Variants in TNFRSF1A observed in about 807,000 individuals in gnomAD.
TNFRSF1A encodes TNF receptor superfamily member 1A, also known as tumor necrosis factor receptor superfamily member 1A.
A neutral mutation model predicts 41.6 loss-of-function variants in TNFRSF1A; 9 were observed. The ratio of observed to expected loss-of-function variants is 0.22; its 90% confidence interval spans 0.13 to 0.38. TNFRSF1A has a LOEUF of 0.38. Ranked by LOEUF, TNFRSF1A falls within the 10% of genes least tolerant of loss-of-function variation. The pLI, the probability that TNFRSF1A is intolerant of heterozygous loss-of-function variation, is 1.00. For synonymous variants in TNFRSF1A, 254 were observed against 248.6 expected, an observed-to-expected ratio of 1.02 and a Z score of -0.21; for missense variants, 463 against 591.5, an observed-to-expected ratio of 0.78 and a Z score of 2.25.
intron 5 of TNFRSF1A, among the ~76,000 whole-genome samples, chr12:6,332,433 CAAAAAA>C (rs34324660): frequency 5.0e-5 from 2 of 39,738 alleles, no homozygotes; most frequent in Non-Finnish European, 1.0e-4. Context: ...AACCCTGTCT[CAAAAAA>C]AAAAAAAAAA....
rs1948069819 is a variant in TNFRSF1A, at chr12:6,333,001, G to A, written c.551+68C>T. The stretch of plus-strand genomic sequence containing the variant: ...CCTGGCATCTGTTGCCCAGCTAATG[G>A]TTCCCACCAGTCACCCGTCCCAACC... On this transcript the variant is annotated intron_variant, in intron 5 of 9. Coordinates refer to ENST00000162749, the MANE Select transcript of TNFRSF1A (RefSeq NM_001065.4). The surrounding 1 kb of genome is among the most constrained non-coding windows in gnomAD (Gnocchi z 6.3). 1 of 1,446,202 alleles carries A rather than the reference G, an allele frequency of 6.9e-7. No homozygotes were observed. The highest frequency in any genetic ancestry group is 9.7e-7 in the Non-Finnish European group (1 of 1,028,432). The allele number at this position is 1,446,202 out of a possible 1,614,324, so 89.6% of individuals were successfully genotyped here.
In TNFRSF1A at chr12:6,330,678, A is replaced by G; in HGVS notation, c.659T>C (p.Phe220Ser). 6.2e-7 allele frequency: 1 copy of G among 1,614,040 alleles called. No individual in the cohort carries two copies. Among genetic ancestry groups the G allele is most frequent in the Non-Finnish European group, 8.5e-7 (1 of 1,179,926 alleles). ...GAGGAGGGATAAAAGGCAAAGACCAAAGAAAATGACCAGGGGCAACAGCAC... is the reference window on the plus strand; with the variant it reads ...GAGGAGGGATAAAAGGCAAAGACCAGAGAAAATGACCAGGGGCAACAGCAC... ...TTVLLPLVIF[F>S]GLCLLSLLFI... The change falls in exon 7 of 10, where the codon TTT becomes TCT. Residue 220 changes from phenylalanine to serine, a missense_variant. Physicochemically the swap from Phe to Ser is radical, Grantham distance 155 (BLOSUM62 -2). This residue lies in a region of TNFRSF1A where 149 missense variants were observed against 239.4 expected (regional missense o/e 0.62). Coordinates refer to ENST00000162749, the MANE Select transcript of TNFRSF1A (RefSeq NM_001065.4).
At position 6,333,574 on chromosome 12, in the gene TNFRSF1A, TC is replaced by T; in HGVS notation, c.323-59del. 6.2e-7 allele frequency: 1 copy of T among 1,611,504 alleles called. No individual in the cohort carries two copies. The highest frequency in any genetic ancestry group is 8.5e-7 in the Non-Finnish European group (1 of 1,178,488). On this transcript the variant is annotated intron_variant, in intron 3 of 9. Transcript: ENST00000162749. This position sits in a 1 kb window ranked among gnomAD's most constrained non-coding sequence, Gnocchi z 6.3. ...GCATCCTCCTGTCCCTGCATCCCCTTCCTGACATACCCCTAAGTGTGTGTCT... is the reference window on the plus strand; with the variant it reads ...GCATCCTCCTGTCCCTGCATCCCCTTCTGACATACCCCTAAGTGTGTGTCT...
chr12:6,333,869 T>C lies in TNFRSF1A; in HGVS notation c.194-4A>G. 2 of 1,602,568 alleles carry C rather than the reference T, an allele frequency of 1.2e-6. No homozygotes were observed. The highest frequency in any genetic ancestry group is 1.7e-6 in the Non-Finnish European group (2 of 1,174,084). On this transcript the variant is annotated splice_polypyrimidine_tract_variant and splice_region_variant and intron_variant, in intron 2 of 9. Coordinates refer to ENST00000162749, the MANE Select transcript of TNFRSF1A (RefSeq NM_001065.4). This position sits in a 1 kb window ranked among gnomAD's most constrained non-coding sequence, Gnocchi z 6.3. Reference sequence around the variant, plus strand: ...CAGTCATTGTACAAGTAGGTTCCTGTGAATGGGGCCGCAGAGTTAGGCTGC... The same window carrying C: ...CAGTCATTGTACAAGTAGGTTCCTGCGAATGGGGCCGCAGAGTTAGGCTGC...
intron 5 of TNFRSF1A, among the ~76,000 whole-genome samples, chr12:6,332,456 C>G (rs12832171): frequency 0.12 from 5,494 of 45,920 alleles, 575 homozygotes; most frequent in African/African-American, 0.37. Flanking sequence ...AAAAAAAAAA[C>G]ACCAAAAGAA....
chr12:6,335,339 C>T (rs1948107082), intron 1 of TNFRSF1A, among the ~76,000 whole-genome samples: 1 of 152,128 alleles, frequency 6.6e-6, no homozygotes, highest in African/African-American at 2.4e-5. Context: ...GTGTGCAGGA[C>T]ATAGGCAAAT....
chr12:6,329,763 G>A lies in TNFRSF1A; in HGVS notation c.1057+15C>T, dbSNP rs1565465918. The stretch of plus-strand genomic sequence containing the variant: ...TCCCCCAGCCTCCTCGTCTCCAGCC[G>A]CGGGAGAAACTCACTGTCTAGGCTC... On this transcript the variant is annotated intron_variant, in intron 9 of 9. Coordinates refer to ENST00000162749, the MANE Select transcript of TNFRSF1A (RefSeq NM_001065.4). 2 of 1,594,244 alleles carry A rather than the reference G, an allele frequency of 1.3e-6. No individual in the cohort carries two copies. The highest frequency in any genetic ancestry group is 2.3e-5 in the South Asian group (2 of 88,790).
Position 6,333,301 on chromosome 12 carries a change from C to T in TNFRSF1A, c.472+66G>A. Reference sequence around the variant, plus strand: ...GGAGGGGGAAGGAAAGGAAGTGCCACCGCATGGGGAAGGGGCCAACCCCTG... The same window carrying T: ...GGAGGGGGAAGGAAAGGAAGTGCCATCGCATGGGGAAGGGGCCAACCCCTG... On this transcript the variant is annotated intron_variant, in intron 4 of 9. Coordinates refer to ENST00000162749, the MANE Select transcript of TNFRSF1A (RefSeq NM_001065.4). This position sits in a 1 kb window ranked among gnomAD's most constrained non-coding sequence, Gnocchi z 6.3. The T allele has an allele frequency of 6.3e-7, 1 of 1,588,528 alleles. No individual in the cohort carries two copies. The highest frequency in any genetic ancestry group is 1.1e-5 in the South Asian group (1 of 88,782).
rs1463898101 is a variant in TNFRSF1A at position 6,333,329 on chromosome 12, G to A, written c.472+38C>T. On this transcript the variant is annotated intron_variant, in intron 4 of 9. Transcript: ENST00000162749. This position sits in a 1 kb window ranked among gnomAD's most constrained non-coding sequence, Gnocchi z 6.3. ...CATGGGGAAGGGGCCAACCCCTGGG[G>A]TGGGGAGAGGGCTTGGCCTCAGGAG... 1 of 1,607,414 alleles carries A rather than the reference G, an allele frequency of 6.2e-7. No homozygotes were observed. Among genetic ancestry groups the A allele is most frequent in the Non-Finnish European group, 8.5e-7 (1 of 1,176,776 alleles).
rs1201884452 is a variant in TNFRSF1A, at chr12:6,330,059, A to C, written c.776T>G (p.Leu259Arg). 1 of 1,612,900 alleles carries C rather than the reference A, an allele frequency of 6.2e-7. No individual in the cohort carries two copies. Among genetic ancestry groups the C allele is most frequent in the Non-Finnish European group, 8.5e-7 (1 of 1,179,956 alleles). The change falls in exon 9 of 10, where the codon CTT (leucine) becomes CGT (arginine). Residue 259 changes from leucine (L) to arginine (R), a missense_variant. By Grantham distance (102) the Leu-to-Arg change is moderately radical. This residue lies in a region of TNFRSF1A where 277 missense variants were observed against 288.8 expected (regional missense o/e 0.96). Coordinates refer to ENST00000162749, the MANE Select transcript of TNFRSF1A (RefSeq NM_001065.4). ...GKSTPEKEGE[L>R]EGTTTKPLAP... ...CAGGGGCTTAGTAGTAGTTCCTTCAAGCTCCCCCTGAAAGAGAGAAGGTGG... is the reference window on the plus strand; with the variant it reads ...CAGGGGCTTAGTAGTAGTTCCTTCACGCTCCCCCTGAAAGAGAGAAGGTGG...
intron 5 of TNFRSF1A, among the ~76,000 whole-genome samples, chr12:6,332,683 ACTTTT>A (rs1223840610): frequency 6.6e-6 from 1 of 152,152 alleles, no homozygotes; most frequent in Non-Finnish European, 1.5e-5. Context: ...AATAAAAGGC[ACTTTT>A]CTTTACATTA....
rs750532640 is a variant in TNFRSF1A, at chr12:6,332,000, C to CAA, written c.551+1067_551+1068dup. On this transcript the variant is annotated intron_variant, in intron 5 of 9. Coordinates refer to ENST00000162749, the MANE Select transcript of TNFRSF1A (RefSeq NM_001065.4). Reference sequence around the variant, plus strand: ...TGGGCGACAGAGCAGGACTCTGTGTCAAAAAAAAAAAAAAAAAAAAAAAAG... The same window carrying CAA: ...TGGGCGACAGAGCAGGACTCTGTGTCAAAAAAAAAAAAAAAAAAAAAAAAAAG... 0.27 allele frequency: 21,260 copies of CAA among 78,502 alleles called. 4,412 individuals are homozygous for CAA. The highest frequency in any genetic ancestry group is 0.33 in the African/African-American group (3,966 of 12,006). 4.9% of individuals were successfully genotyped at this position (78,502 alleles called of 1,614,324 possible).
chr12:6,329,739 C>G, intron 9 of TNFRSF1A, 39 bp downstream of exon 9: 1 of 1,577,640 alleles, frequency 6.3e-7, no homozygotes, highest in Non-Finnish European at 8.6e-7. Context: ...CCCCGGCCCT[C>G]CCCCAGCCTC....
At chr12:6,339,683 G>A (rs1190146454) in intron 1 of TNFRSF1A, among the ~76,000 whole-genome samples, 3 of 152,082 alleles carry the variant, frequency 2.0e-5, no homozygotes, top group Non-Finnish European at 4.4e-5. Context: ...TATTTTCCTC[G>A]GGATTGCTCT....
rs1275607339 is a variant in TNFRSF1A at position 6,330,717 on chromosome 12, G to A, written c.626-6C>T. The stretch of plus-strand genomic sequence containing the variant: ...GGGCAACAGCACTGTGGTGCCTGCA[G>A]ACAAAGCAGGTGTTGGTCAGAGGAG... On this transcript the variant is annotated splice_polypyrimidine_tract_variant and splice_region_variant and intron_variant, in intron 6 of 9. Transcript: ENST00000162749. 2 of 1,609,616 alleles carry A rather than the reference G, an allele frequency of 1.2e-6. No homozygotes were observed. The highest frequency in any genetic ancestry group is 1.7e-4 in the Middle Eastern group (1 of 6,054).
Position 6,339,067 on chromosome 12 carries a change from CCTCT to C in TNFRSF1A, c.39+2705_39+2708del, listed in dbSNP as rs554811271. 5.9e-5 allele frequency among the ~76,000 whole-genome samples: 9 copies of C among 152,304 alleles called. No homozygotes were observed. In the South Asian group the frequency reaches 1.2e-3, roughly 21 times the overall value. ...TCTTCCTCCATCCTCTCCCCCACTC[CCTCT>C]AATTCTCCCATTCACATTTCTTAGT... On this transcript the variant is annotated intron_variant, in intron 1 of 9. Transcript: ENST00000162749.
In TNFRSF1A at chr12:6,329,181, G is replaced by A. The variant is rs1229074713; in HGVS notation, c.*131C>T. On this transcript the variant is annotated 3_prime_UTR_variant, in exon 10 of 10. Coordinates refer to ENST00000162749, the MANE Select transcript of TNFRSF1A (RefSeq NM_001065.4). Reference sequence around the variant, plus strand: ...GCAGCTGAGAAAAGCTATGTACATCGAGGGGTTAGCACCAAGTAGGCGGCT... The same window carrying A: ...GCAGCTGAGAAAAGCTATGTACATCAAGGGGTTAGCACCAAGTAGGCGGCT... 3 of 859,910 alleles carry A rather than the reference G, an allele frequency of 3.5e-6. No homozygotes were observed. The highest frequency in any genetic ancestry group is 1.8e-5 in the African/African-American group (1 of 56,930). 53.3% of individuals were successfully genotyped at this position (859,910 alleles called of 1,614,324 possible).
chr12:6,333,675 C>A lies in TNFRSF1A; in HGVS notation c.322+62G>T. On this transcript the variant is annotated intron_variant, in intron 3 of 9. Coordinates refer to ENST00000162749, the MANE Select transcript of TNFRSF1A (RefSeq NM_001065.4). The surrounding 1 kb of genome is among the most constrained non-coding windows in gnomAD (Gnocchi z 6.3). ...TCCTGCCCACACCCACCAGCCTGCACATAGACAGGCACCCACACACCACTC... is the reference window on the plus strand; with the variant it reads ...TCCTGCCCACACCCACCAGCCTGCAAATAGACAGGCACCCACACACCACTC... 2 of 1,560,878 alleles carry A rather than the reference C, an allele frequency of 1.3e-6. No individual in the cohort carries two copies. Among genetic ancestry groups the A allele is most frequent in the Non-Finnish European group, 1.7e-6 (2 of 1,151,848 alleles).
chr12:6,332,903 G>A (rs1012128017), intron 5 of TNFRSF1A, among the ~76,000 whole-genome samples, 166 bp downstream of exon 5: 5 of 152,208 alleles, frequency 3.3e-5, no homozygotes, highest in African/African-American at 9.6e-5. Flanking sequence ...TGAAGAGCAA[G>A]GGGAAGGACT....
Sources: allele counts gnomAD v4.1 joint callset (sites outside exome capture counted in the v4.1 genomes callset), GRCh38; gene constraint gnomAD v4.1.1; regional missense constraint gnomAD v4.1.1; non-coding constraint Gnocchi (gnomAD v3.1); transcripts MANE v1.5; gene names NCBI Gene and HGNC (gene_info 2026-07-23, HGNC 2026-07-21).